VMP1: variants seen among roughly 807,000 people sequenced by gnomAD.
VMP1 encodes the protein ectopic P-granules autophagy protein 3 homolog.
A neutral mutation model predicts 56.0 loss-of-function variants in VMP1; 11 were observed. The observed-to-expected ratio is 0.20, with a 90% CI of 0.12 to 0.32. VMP1 has a LOEUF of 0.32. VMP1 is among the 10% of genes least tolerant of loss of function. The pLI is 1.00. For missense variants in VMP1, 296 were observed against 490.3 expected, an observed-to-expected ratio of 0.60 and a Z score of 3.74; for synonymous variants, 149 against 165.0, an observed-to-expected ratio of 0.90 and a Z score of 0.74.
intron 5 of VMP1, among the ~76,000 whole-genome samples, chr17:59,750,522 G>A (rs1280087232): frequency 2.0e-5 from 3 of 151,882 alleles, no homozygotes; most frequent in African/African-American, 7.3e-5. Flanking sequence ...GGCTGGCCTC[G>A]ACCTCCTGAC....
chr17:59,775,304 A>G (rs1220572258), intron 7 of VMP1, among the ~76,000 whole-genome samples: 1 of 151,948 alleles, frequency 6.6e-6, no homozygotes, highest in African/African-American at 2.4e-5. Flanking sequence ...AGTCCTAGCT[A>G]CTTGGGAGGC....
At chr17:59,722,212 A>G (rs2034427225) in intron 1 of VMP1, among the ~76,000 whole-genome samples, 1 of 152,222 alleles carries the variant, frequency 6.6e-6, no homozygotes, top group African/African-American at 2.4e-5. Flanking sequence ...CTCTCCTTAT[A>G]GCTAATCAGC....
chr17:59,751,088 A>G (rs746373843), intron 5 of VMP1, among the ~76,000 whole-genome samples: 1 of 151,790 alleles, frequency 6.6e-6, no homozygotes, highest in Non-Finnish European at 1.5e-5. Flanking sequence ...GCCCACCACC[A>G]TGCCTGGCTA....
chr17:59,828,024 TAA>T (rs768590295), intron 10 of VMP1, among the ~76,000 whole-genome samples: 26 of 125,594 alleles, frequency 2.1e-4, no homozygotes, highest in Non-Finnish European at 2.1e-4. Flanking sequence ...ACAACCTCTT[TAA>T]AAAAAAAAAA....
chr17:59,791,269 A>C (rs958872850), intron 7 of VMP1, among the ~76,000 whole-genome samples: 1 of 150,700 alleles, frequency 6.6e-6, no homozygotes, highest in African/African-American at 2.5e-5. Flanking sequence ...GCTGACTGCA[A>C]GCTCCACCTC....
At chr17:59,714,046 G>GAAAAA (rs771155795) in intron 1 of VMP1, among the ~76,000 whole-genome samples, 3 of 61,776 alleles carry the variant, frequency 4.9e-5, no homozygotes. Context: ...GTCTTAAAAG[G>GAAAAA]AAAAAAAAAA....
intron 10 of VMP1, among the ~76,000 whole-genome samples, chr17:59,826,564 T>A (rs548456418): frequency 6.6e-6 from 1 of 152,144 alleles, no homozygotes; most frequent in Non-Finnish European, 1.5e-5. Flanking sequence ...AGATAGAAAA[T>A]ATAAATGAAG....
intron 6 of VMP1, among the ~76,000 whole-genome samples, chr17:59,767,461 CATT>C (rs2036271937): frequency 6.6e-6 from 1 of 152,036 alleles, no homozygotes; most frequent in South Asian, 2.1e-4. Context: ...AATTTGATGA[CATT>C]AGTCTTTTGA....
intron 7 of VMP1, among the ~76,000 whole-genome samples, chr17:59,798,532 G>A (rs1406847637): frequency 3.3e-5 from 5 of 152,240 alleles, no homozygotes; most frequent in South Asian, 4.1e-4. Context: ...TAAATGTTTC[G>A]TGAAATAGTA....
At chr17:59,811,047 ATCT>A (rs1375781957) in intron 8 of VMP1, among the ~76,000 whole-genome samples, 2 of 152,148 alleles carry the variant, frequency 1.3e-5, no homozygotes, top group African/African-American at 4.8e-5. Context: ...TCCACACTTG[ATCT>A]TCTTTATAAA....
At chr17:59,713,683 CT>C (rs3064256) in intron 1 of VMP1, among the ~76,000 whole-genome samples, 19,716 of 108,662 alleles carry the variant, frequency 0.18, 1,726 homozygotes, top group African/African-American at 0.39. Context: ...CCCCATCTCT[CT>C]TTTTTTTTTT....
In VMP1 at chr17:59,826,003, G is replaced by C. The variant is rs535249804; in HGVS notation, c.974+8230G>C. Among the ~76,000 whole-genome samples the C allele has an allele frequency of 2.0e-5, 3 of 152,272 alleles. No homozygotes were observed. In the South Asian group the frequency reaches 6.2e-4, roughly 32 times the overall value. On this transcript the variant is annotated intron_variant, in intron 10 of 11. Transcript: ENST00000262291. ...CATGTATTTGATTCTCTTTGACTTTGATCATTGAAAATAATCAGAAAAAGT... is the reference window on the plus strand; with the variant it reads ...CATGTATTTGATTCTCTTTGACTTTCATCATTGAAAATAATCAGAAAAAGT...
At chr17:59,805,466 T>A (rs1237413218) in intron 7 of VMP1, among the ~76,000 whole-genome samples, 2 of 152,214 alleles carry the variant, frequency 1.3e-5, no homozygotes, top group Non-Finnish European at 2.9e-5. Context: ...ATCATTTTTT[T>A]CTTTATATAA....
chr17:59,821,906 A>G (rs2038468810), intron 10 of VMP1, among the ~76,000 whole-genome samples: 1 of 143,860 alleles, frequency 7.0e-6, no homozygotes, highest in African/African-American at 2.6e-5. Flanking sequence ...ACAGTGGCAC[A>G]ATCTTGGCTC....
chr17:59,782,970 C>T (rs776251155), intron 7 of VMP1, among the ~76,000 whole-genome samples: 4 of 152,072 alleles, frequency 2.6e-5, no homozygotes, highest in Admixed American at 6.6e-5. Context: ...CCAAGGCAGG[C>T]GGATCACGAG....
At chr17:59,813,907 AC>A (rs1377969975) in intron 9 of VMP1, among the ~76,000 whole-genome samples, 1 of 152,144 alleles carries the variant, frequency 6.6e-6, no homozygotes, top group African/African-American at 2.4e-5. Context: ...AACTTATCAG[AC>A]CTTTCATTTC....
chr17:59,805,435 A>G (rs2037813029), intron 7 of VMP1, among the ~76,000 whole-genome samples: 1 of 152,172 alleles, frequency 6.6e-6, no homozygotes, highest in African/African-American at 2.4e-5. Context: ...TGATATTGTT[A>G]GGTGATCTGC....
At chr17:59,824,459 G>T (rs1341358587) in intron 10 of VMP1, among the ~76,000 whole-genome samples, 9 of 150,990 alleles carry the variant, frequency 6.0e-5, no homozygotes. Context: ...TATAATCCCA[G>T]CTACTCGGGA....
chr17:59,770,739 C>A (rs2036394383), intron 6 of VMP1, among the ~76,000 whole-genome samples: 1 of 151,938 alleles, frequency 6.6e-6, no homozygotes, highest in Non-Finnish European at 1.5e-5. Flanking sequence ...CACCACCATA[C>A]CCGGCTAATT....
Sources: allele counts gnomAD v4.1 joint callset (sites outside exome capture counted in the v4.1 genomes callset), GRCh38; gene constraint gnomAD v4.1.1; transcripts MANE v1.5; gene names NCBI Gene and HGNC (gene_info 2026-07-23, HGNC 2026-07-21).